PTPRD: variants seen among roughly 807,000 people sequenced by gnomAD.
The protein encoded by PTPRD is receptor-type tyrosine-protein phosphatase delta.
A neutral mutation model predicts 214.5 loss-of-function variants in PTPRD; 34 were observed. The ratio of observed to expected loss-of-function variants is 0.16; its 90% CI spans 0.12 to 0.21. The LOEUF (loss-of-function observed/expected upper bound fraction) is 0.21. Among genes scored for constraint, PTPRD ranks in the 10% least tolerant of loss-of-function variants. The pLI, the probability that PTPRD is intolerant of heterozygous loss-of-function variation, is 1.00. For synonymous variants in PTPRD, 1,128 were observed against 845.7 expected (o/e 1.33, Z -5.79); for missense variants, 2,545 against 2,398.7 (o/e 1.06, Z -1.27).
rs1554901383 is a variant in PTPRD at position 10,230,436 on chromosome 9, G to GTATCTATGTATCTATC, written c.-545+110526_-545+110527insGATAGATACATAGATA. On this transcript the variant is annotated intron_variant, in intron 3 of 45. Coordinates refer to ENST00000381196, the MANE Select transcript of PTPRD (RefSeq NM_002839.4). ...TCTATCTATGTATCTATGTATCTAT[G>GTATCTATGTATCTATC]TATCTATCTATCTATCTATCTATCT... Among the ~76,000 whole-genome samples the GTATCTATGTATCTATC allele has an allele frequency of 5.1e-3, 719 of 140,708 alleles. 3 individuals are homozygous for GTATCTATGTATCTATC. The highest frequency in any genetic ancestry group is 7.3e-3 in the Middle Eastern group (2 of 274). The allele number at this position is 140,708 out of a possible 152,430, so 92.3% of individuals were successfully genotyped here. A position where few individuals can be genotyped will look rare whatever the true frequency, so the allele number is the denominator to read the frequency against.
intron 4 of PTPRD, among the ~76,000 whole-genome samples, chr9:9,955,623 A>C (rs896649057): frequency 1.8e-4 from 27 of 151,136 alleles, no homozygotes; most frequent in African/African-American, 4.6e-4. Flanking sequence ...TCCCAGGTTC[A>C]CGCCATTCTC....
chr9:9,333,578 G>A (rs193159788), intron 9 of PTPRD, among the ~76,000 whole-genome samples: 90 of 147,606 alleles, frequency 6.1e-4, no homozygotes, highest in African/African-American at 2.2e-3. Context: ...GGGACTTAAC[G>A]CAGAATTAAT....
At chr9:8,508,744 C>T (rs2097593189) in intron 21 of PTPRD, among the ~76,000 whole-genome samples, 1 of 152,014 alleles carries the variant, frequency 6.6e-6, no homozygotes, top group African/African-American at 2.4e-5. Flanking sequence ...TATTGCTTTC[C>T]TTTTCTTTTA....
At chr9:8,338,574 G>A (rs76621385) in intron 43 of PTPRD, among the ~76,000 whole-genome samples, 8,132 of 152,030 alleles carry the variant, frequency 0.053, 725 homozygotes, top group African/African-American at 0.19. Context: ...AAGTAATGAA[G>A]AAGTCAAAAA....
chr9:8,570,533 TAAGAG>T (rs2090809303), intron 14 of PTPRD, among the ~76,000 whole-genome samples: 1 of 152,120 alleles, frequency 6.6e-6, no homozygotes, highest in African/African-American at 2.4e-5. Context: ...TAAATACACT[TAAGAG>T]AGGTAGGTTT....
At chr9:9,475,916 T>C (rs1270067371) in intron 8 of PTPRD, among the ~76,000 whole-genome samples, 2 of 152,202 alleles carry the variant, frequency 1.3e-5, no homozygotes, top group African/African-American at 4.8e-5. Context: ...ACCTCCGCAG[T>C]GGTAGTTTCA....
chr9:9,892,008 GATAAA>G (rs1464060095), intron 5 of PTPRD, among the ~76,000 whole-genome samples: 4 of 152,030 alleles, frequency 2.6e-5, no homozygotes, highest in African/African-American at 9.7e-5. Flanking sequence ...CATTTTATCA[GATAAA>G]ATAAGTTGAG....
In PTPRD at chr9:8,500,955, T is replaced by C. The variant is rs1191824404; in HGVS notation, c.1927A>G (p.Thr643Ala). 2 of 1,614,046 alleles carry C rather than the reference T, an allele frequency of 1.2e-6. No individual in the cohort carries two copies. The highest frequency in any genetic ancestry group is 1.7e-6 in the Non-Finnish European group (2 of 1,180,002). The change falls in exon 24 of 46, where the codon ACT (threonine) becomes GCT (alanine). Residue 643 changes from threonine to alanine, a missense_variant. By Grantham distance (58) the Thr-to-Ala change is moderately conservative. Transcript: ENST00000381196. ...GCAGTGTACTTGATGGAGTATTCAG[T>C]GATAATGCCATTCTGTTTTTCCACT... The part of the protein sequence containing the change: ...PPVEKQNGII[T>A]EYSIKYTAVD...
intron 3 of PTPRD, among the ~76,000 whole-genome samples, chr9:10,285,031 T>A (rs1386755558): frequency 6.6e-6 from 1 of 152,222 alleles, no homozygotes; most frequent in Non-Finnish European, 1.5e-5. Context: ...GAACATTTTA[T>A]GAAAGTTATG....
At chr9:9,257,611 G>C (rs954663235) in intron 9 of PTPRD, among the ~76,000 whole-genome samples, 2 of 151,908 alleles carry the variant, frequency 1.3e-5, no homozygotes, top group African/African-American at 4.8e-5. Flanking sequence ...GGGCAGCATA[G>C]TGAGACCCTG....
At chr9:9,788,447 G>C (rs918877159) in intron 5 of PTPRD, among the ~76,000 whole-genome samples, 8 of 151,012 alleles carry the variant, frequency 5.3e-5, no homozygotes, top group African/African-American at 1.9e-4. Flanking sequence ...AGCTGCTGGG[G>C]AGGCTGAGGC....
intron 4 of PTPRD, among the ~76,000 whole-genome samples, chr9:9,962,415 C>A (rs2094426805): frequency 6.6e-6 from 1 of 151,916 alleles, no homozygotes; most frequent in African/African-American, 2.4e-5. Context: ...TAAACAAATC[C>A]TTTATAAAGA....
chr9:8,521,242 AC>A, intron 20 of PTPRD, 34 bp downstream of exon 20: 1 of 1,585,204 alleles, frequency 6.3e-7, no homozygotes, highest in Non-Finnish European at 8.6e-7. Flanking sequence ...GCTTGAGTGT[AC>A]CCAGATCCTC....
At chr9:9,385,995 G>A (rs2063752790) in intron 9 of PTPRD, among the ~76,000 whole-genome samples, 2 of 152,042 alleles carry the variant, frequency 1.3e-5, no homozygotes, top group African/African-American at 4.8e-5. Flanking sequence ...TAGCTGTGTT[G>A]GGAGATTTCA....
chr9:9,150,804 G>C lies in PTPRD; in HGVS notation c.-143+32500C>G, dbSNP rs546499651. ...ATATTTTTATATGAAAACAAACACTGGCAAATATGCTATGACATAAGGTAA... is the reference window on the plus strand; with the variant it reads ...ATATTTTTATATGAAAACAAACACTCGCAAATATGCTATGACATAAGGTAA... On this transcript the variant is annotated intron_variant, in intron 10 of 45. Transcript: ENST00000381196. Among the ~76,000 whole-genome samples the C allele has an allele frequency of 7.2e-5, 11 of 152,212 alleles. No individual in the cohort carries two copies. The South Asian group carries it at 1.9e-3, about 26-fold the overall frequency.
intron 4 of PTPRD, among the ~76,000 whole-genome samples, chr9:9,973,351 C>A (rs944385457): frequency 2.0e-5 from 3 of 150,486 alleles, no homozygotes; most frequent in Non-Finnish European, 4.4e-5. Context: ...TTGCGTCTGT[C>A]GTCCCAGCTA....
At chr9:8,629,486 C>T (rs1595648419) in intron 14 of PTPRD, among the ~76,000 whole-genome samples, 1 of 151,922 alleles carries the variant, frequency 6.6e-6, no homozygotes, top group African/African-American at 2.4e-5. Flanking sequence ...ATTTAGATGA[C>T]AATCCCTGTT....
intron 9 of PTPRD, among the ~76,000 whole-genome samples, chr9:9,384,442 A>C (rs2063280439): frequency 7.7e-6 from 1 of 129,972 alleles, no homozygotes; most frequent in Admixed American, 9.7e-5. Context: ...TCATTTTTGT[A>C]TGAATCTAAC....
intron 7 of PTPRD, among the ~76,000 whole-genome samples, chr9:9,578,818 T>A (rs1023873952): frequency 6.6e-6 from 1 of 152,108 alleles, no homozygotes; most frequent in African/African-American, 2.4e-5. Flanking sequence ...AAGTTAAAAT[T>A]GAACCTGAAG....
Sources: allele counts gnomAD v4.1 joint callset (sites outside exome capture counted in the v4.1 genomes callset), GRCh38; gene constraint gnomAD v4.1.1; transcripts MANE v1.5; gene names NCBI Gene and HGNC (gene_info 2026-07-23, HGNC 2026-07-21).